Variants in PGBD5 observed in about 807,000 individuals in gnomAD.
PGBD5 encodes the protein piggyBac transposable element derived 5.
PGBD5 carries 14 observed loss-of-function variants against 47.9 expected under a neutral mutation model. That is an observed-to-expected ratio of 0.29 (90% confidence interval 0.19 to 0.46). The LOEUF (loss-of-function observed/expected upper bound fraction) is 0.46. PGBD5 is among the 20% of genes least tolerant of loss of function. The pLI, the probability that PGBD5 is intolerant of heterozygous loss-of-function variation, is 1.00. For missense variants in PGBD5, 635 were observed against 716.0 expected (o/e 0.89, Z 1.29); for synonymous variants, 316 against 306.3 (o/e 1.03, Z -0.33).
rs1179720718 is a variant in PGBD5, at chr1:230,314,641, C to T, written c.*8784G>A. The T allele has an allele frequency of 7.5e-6, 1 of 134,196 alleles. No homozygotes were observed. The highest frequency in any genetic ancestry group is 1.5e-5 in the Non-Finnish European group (1 of 64,940). The allele number at this position is 134,196 out of a possible 1,614,324, so 8.3% of individuals were successfully genotyped here. On this transcript the variant is annotated 3_prime_UTR_variant, in exon 7 of 7. Coordinates refer to ENST00000391860, the MANE Select transcript of PGBD5 (RefSeq NM_001258311.2). ...ACATTTGAGAACCCAGAATTCAGCT[C>T]CTGTTATACAAAATTTGTAAAAATT...
In PGBD5 at chr1:230,332,845, C is replaced by G. The variant is rs767178816; in HGVS notation, c.1272G>C (p.Gln424His). 3 of 1,614,058 alleles carry G rather than the reference C, an allele frequency of 1.9e-6. No individual in the cohort carries two copies. The highest frequency in any genetic ancestry group is 2.5e-6 in the Non-Finnish European group (3 of 1,180,012). Residue 424 changes from glutamine (Q) to histidine (H), a missense_variant and splice_region_variant, in exon 5 of 7, where the codon CAG (glutamine) becomes CAC (histidine). Physicochemically the swap from Gln to His is conservative, Grantham distance 24 (BLOSUM62 0). Coordinates refer to ENST00000391860, the MANE Select transcript of PGBD5 (RefSeq NM_001258311.2). ...FLTNAYSPVQ[Q>H]GVIIKRKSGE... ...TGTCAATGGCGGACCCGCACTCACC[C>G]TGCTGCACCGGGGAGTAGGCGTTGG...
chr1:230,318,662 G>A lies in PGBD5; in HGVS notation c.*4763C>T, dbSNP rs1666984987. On this transcript the variant is annotated 3_prime_UTR_variant, in exon 7 of 7. Transcript: ENST00000391860. ...GACCAGAACCACAAAGCTGGCATGTGGGTGAAGACGGCGCCTCTGGCCTAG... is the reference window on the plus strand; with the variant it reads ...GACCAGAACCACAAAGCTGGCATGTAGGTGAAGACGGCGCCTCTGGCCTAG... 1.3e-5 allele frequency: 2 copies of A among 152,310 alleles called. No individual in the cohort carries two copies. 9.4% of individuals were successfully genotyped at this position (152,310 alleles called of 1,614,324 possible).
At chr1:230,331,921 G>T (rs910900784) in intron 5 of PGBD5, among the ~76,000 whole-genome samples, 1 of 107,002 alleles carries the variant, frequency 9.3e-6, no homozygotes, top group East Asian at 3.0e-4. Context: ...ACTGAGGCGT[G>T]ATGCAACTTA....
chr1:230,401,807 A>G (rs55821720), intron 1 of PGBD5, among the ~76,000 whole-genome samples: 12,060 of 152,218 alleles, frequency 0.079, 864 homozygotes, highest in East Asian at 0.27. Flanking sequence ...CCCTGGCAAC[A>G]CAGGCAGGCG....
intron 1 of PGBD5, among the ~76,000 whole-genome samples, chr1:230,399,762 C>T (rs571208391): frequency 1.1e-4 from 17 of 152,318 alleles, no homozygotes; most frequent in Middle Eastern, 3.4e-3. Context: ...CACAAAATGA[C>T]GCCTATTTCT....
Position 230,317,537 on chromosome 1 carries a change from G to C in PGBD5, c.*5888C>G, listed in dbSNP as rs1258959774. 6.6e-6 allele frequency: 1 copy of C among 152,220 alleles called. No individual in the cohort carries two copies. Among genetic ancestry groups the C allele is most frequent in the Non-Finnish European group, 1.5e-5 (1 of 68,040 alleles). The allele number at this position is 152,220 out of a possible 1,614,324, so 9.4% of individuals were successfully genotyped here. On this transcript the variant is annotated 3_prime_UTR_variant, in exon 7 of 7. Coordinates refer to ENST00000391860, the MANE Select transcript of PGBD5 (RefSeq NM_001258311.2). Reference sequence around the variant, plus strand: ...GAAGACGGCAGAAGAATGAATCAAAGACTAGCGAGACGCACCAAGAACAGA... The same window carrying C: ...GAAGACGGCAGAAGAATGAATCAAACACTAGCGAGACGCACCAAGAACAGA...
intron 1 of PGBD5, among the ~76,000 whole-genome samples, chr1:230,385,538 G>C (rs890107789): frequency 2.0e-5 from 3 of 152,168 alleles, no homozygotes; most frequent in Non-Finnish European, 4.4e-5. Flanking sequence ...CTGAGTCAAG[G>C]CTGATTTCTG....
intron 1 of PGBD5, among the ~76,000 whole-genome samples, chr1:230,380,872 C>G (rs931491688): frequency 6.6e-6 from 1 of 152,152 alleles, no homozygotes; most frequent in African/African-American, 2.4e-5. Flanking sequence ...CTGAAGTGGC[C>G]CAAGAGATGG....
intron 4 of PGBD5, 80 bp from the exon 5 acceptor site, chr1:230,333,121 G>C (rs1249437731): frequency 7.0e-7 from 1 of 1,434,248 alleles, no homozygotes; most frequent in East Asian, 2.5e-5. Flanking sequence ...GCACCCCCAA[G>C]GAAAGGACGG....
At chr1:230,392,446 G>A (rs539128103) in intron 1 of PGBD5, among the ~76,000 whole-genome samples, 73 of 152,338 alleles carry the variant, frequency 4.8e-4, no homozygotes, top group Middle Eastern at 6.8e-3. Context: ...GAAGCCTTCA[G>A]ATGTCAGTTC....
chr1:230,337,629 C>T (rs1425803456), intron 3 of PGBD5, among the ~76,000 whole-genome samples: 1 of 152,198 alleles, frequency 6.6e-6, no homozygotes, highest in Non-Finnish European at 1.5e-5. Flanking sequence ...TAAAGGCAAC[C>T]TCACCTGTTA....
At chr1:230,385,775 C>A (rs1193288309) in intron 1 of PGBD5, among the ~76,000 whole-genome samples, 1 of 151,940 alleles carries the variant, frequency 6.6e-6, no homozygotes, top group Non-Finnish European at 1.5e-5. Flanking sequence ...GATTTTGCCC[C>A]CATTTCACAT....
At chr1:230,385,978 G>T (rs1300354042) in intron 1 of PGBD5, among the ~76,000 whole-genome samples, 1 of 152,168 alleles carries the variant, frequency 6.6e-6, no homozygotes, top group Admixed American at 6.5e-5. Context: ...GCACTTTAGA[G>T]TTTAAGGAGT....
chr1:230,336,316 C>T (rs1472302325), intron 4 of PGBD5: 1 of 152,238 alleles, frequency 6.6e-6, no homozygotes, highest in Non-Finnish European at 1.5e-5. Context: ...GCTGCGGCCT[C>T]ACTGCAGCTG....
chr1:230,347,796 C>T (rs1164196223), intron 3 of PGBD5, among the ~76,000 whole-genome samples: 2 of 152,174 alleles, frequency 1.3e-5, no homozygotes, highest in African/African-American at 2.4e-5. Context: ...CTGTGCAGAC[C>T]TAACTGATAG....
chr1:230,340,381 A>C (rs1297320812), intron 3 of PGBD5, among the ~76,000 whole-genome samples: 2 of 152,190 alleles, frequency 1.3e-5, no homozygotes, highest in East Asian at 3.9e-4. Context: ...ATCATGTAGA[A>C]AAAGTGTTTA....
chr1:230,329,124 G>T (rs547769004), intron 5 of PGBD5, among the ~76,000 whole-genome samples: 17 of 150,758 alleles, frequency 1.1e-4, no homozygotes, highest in African/African-American at 3.9e-4. Flanking sequence ...TTTTTTTTTG[G>T]GGGGGGAGGT....
chr1:230,400,149 T>C (rs1274603465), intron 1 of PGBD5, among the ~76,000 whole-genome samples: 1 of 152,170 alleles, frequency 6.6e-6, no homozygotes, highest in East Asian at 1.9e-4. Context: ...CCTCCGCGCC[T>C]CGCCCACCAG....
At chr1:230,382,195 G>C (rs1201461651) in intron 1 of PGBD5, among the ~76,000 whole-genome samples, 1 of 152,212 alleles carries the variant, frequency 6.6e-6, no homozygotes, top group Non-Finnish European at 1.5e-5. Context: ...CTCAGAGACA[G>C]CCCTGAGTGT....
Sources: allele counts gnomAD v4.1 joint callset (sites outside exome capture counted in the v4.1 genomes callset), GRCh38; gene constraint gnomAD v4.1.1; transcripts MANE v1.5; gene names NCBI Gene and HGNC (gene_info 2026-07-23, HGNC 2026-07-21).